Variants in NHLRC2 observed in about 807,000 individuals in gnomAD.
NHLRC2 encodes the protein NHL repeat-containing protein 2.
NHLRC2 carries 33 observed loss-of-function variants against 68.1 expected under a neutral mutation model. That is an observed-to-expected ratio of 0.48 (90% CI 0.37 to 0.65). The LOEUF (loss-of-function observed/expected upper bound fraction) is 0.65. Ranked by LOEUF, NHLRC2 falls within the 30% of genes least tolerant of loss-of-function variation. The pLI, the probability that NHLRC2 is intolerant of heterozygous loss-of-function variation, is 0.00. For synonymous variants in NHLRC2, 311 were observed against 309.6 expected (o/e 1.00, Z -0.05); for missense variants, 761 against 853.8 (o/e 0.89, Z 1.35).
chr10:113,871,764 A>C (rs1845928202), intron 2 of NHLRC2, among the ~76,000 whole-genome samples: 1 of 152,092 alleles, frequency 6.6e-6, no homozygotes, highest in Admixed American at 6.5e-5. Context: ...GAATCTCCCC[A>C]CTGTCCCTCC....
intron 2 of NHLRC2, among the ~76,000 whole-genome samples, chr10:113,867,458 A>C (rs879800625): frequency 1.3e-5 from 2 of 152,190 alleles, no homozygotes; most frequent in Non-Finnish European, 2.9e-5. Flanking sequence ...TTATTTCCCA[A>C]TTTAGTGTTC....
Position 113,912,796 on chromosome 10 carries a change from T to A in NHLRC2, c.*4260T>A, listed in dbSNP as rs1486762500. On this transcript the variant is annotated 3_prime_UTR_variant, in exon 11 of 11. Transcript: ENST00000369301. ...AATAGAAAACCGGAATAGTGCTCGATGCCTGAAGTGGTGCCTGGCGCCAGC... is the reference window on the plus strand; with the variant it reads ...AATAGAAAACCGGAATAGTGCTCGAAGCCTGAAGTGGTGCCTGGCGCCAGC... The A allele has an allele frequency of 6.6e-6, 1 of 152,244 alleles. No individual in the cohort carries two copies. Among genetic ancestry groups the A allele is most frequent in the Non-Finnish European group, 1.5e-5 (1 of 68,048 alleles). The allele number at this position is 152,244 out of a possible 1,614,324, so 9.4% of individuals were successfully genotyped here.
chr10:113,855,412 C>T (rs1393247735), intron 1 of NHLRC2, among the ~76,000 whole-genome samples: 1 of 152,200 alleles, frequency 6.6e-6, no homozygotes, highest in Admixed American at 6.5e-5. Flanking sequence ...TTCTGGTCAT[C>T]TTTCTGCATC....
At chr10:113,880,895 G>A (rs1846031143) in intron 4 of NHLRC2, among the ~76,000 whole-genome samples, 1 of 151,844 alleles carries the variant, frequency 6.6e-6, no homozygotes, top group Admixed American at 6.6e-5. Context: ...TAAAGCAGAT[G>A]TGTTTTTTAA....
intron 5 of NHLRC2, among the ~76,000 whole-genome samples, chr10:113,897,484 T>C (rs1017544302): frequency 3.9e-5 from 6 of 152,238 alleles, no homozygotes; most frequent in Non-Finnish European, 8.8e-5. Context: ...TAAATGATCA[T>C]GGCTAACATT....
rs1846374084 is a variant in NHLRC2, at chr10:113,915,430, G to A, written c.*6894G>A. ...GTGGCTTTAAGTAATATAGCATTAA[G>A]CAAATGGTCAGTTATTTTTTAATGT... On this transcript the variant is annotated 3_prime_UTR_variant, in exon 11 of 11. Transcript: ENST00000369301. The A allele has an allele frequency of 2.8e-6, 1 of 351,502 alleles. No homozygotes were observed. The highest frequency in any genetic ancestry group is 5.6e-6 in the Non-Finnish European group (1 of 179,158). The allele number at this position is 351,502 out of a possible 1,614,324, so 21.8% of individuals were successfully genotyped here.
chr10:113,915,287 A>G lies in NHLRC2; in HGVS notation c.*6751A>G. ...ACCTGTACAAGCAGCCATATACTAA[A>G]AAGCACTAAACAAGCACAAATGAAC... On this transcript the variant is annotated 3_prime_UTR_variant, in exon 11 of 11. Transcript: ENST00000369301. 2.2e-6 allele frequency: 1 copy of G among 455,016 alleles called. No individual in the cohort carries two copies. Among genetic ancestry groups the G allele is most frequent in the Non-Finnish European group, 4.4e-6 (1 of 226,316 alleles). The allele number at this position is 455,016 out of a possible 1,614,324, so 28.2% of individuals were successfully genotyped here.
At chr10:113,886,292 T>A (rs1385997350) in intron 5 of NHLRC2, among the ~76,000 whole-genome samples, 1 of 152,134 alleles carries the variant, frequency 6.6e-6, no homozygotes, top group Non-Finnish European at 1.5e-5. Context: ...GAATTAATAT[T>A]GTTAAAATGT....
chr10:113,869,539 A>G (rs1420626536), intron 2 of NHLRC2, among the ~76,000 whole-genome samples: 1 of 151,974 alleles, frequency 6.6e-6, no homozygotes, highest in Non-Finnish European at 1.5e-5. Flanking sequence ...TACCTTCTTC[A>G]GTTTCTTCTA....
At position 113,884,340 on chromosome 10, in the gene NHLRC2, AC is replaced by A. The variant is rs1299021012; in HGVS notation, c.1002del (p.Ile335LeufsTer7). The A allele has an allele frequency of 6.2e-7, 1 of 1,610,238 alleles. No homozygotes were observed. The highest frequency in any genetic ancestry group is 8.5e-7 in the Non-Finnish European group (1 of 1,177,234). On this transcript the variant is annotated frameshift_variant, in exon 5 of 11. Coordinates refer to ENST00000369301, the MANE Select transcript of NHLRC2 (RefSeq NM_198514.4). LOFTEE classifies it high-confidence loss of function. ...KEGGAKGEQQ[P>X]ISSPWDVVFG... ...AAGGTGGAGCAAAAGGAGAACAACA[AC>A]CCATTAGTTCCCCTTGGGATGTAGT...
At chr10:113,862,817 G>A (rs531898429) in intron 2 of NHLRC2, among the ~76,000 whole-genome samples, 3 of 152,064 alleles carry the variant, frequency 2.0e-5, no homozygotes, top group East Asian at 3.9e-4. Flanking sequence ...ATCTAAAAAG[G>A]TTACAAGAGA....
At chr10:113,865,796 G>T (rs1341142498) in intron 2 of NHLRC2, among the ~76,000 whole-genome samples, 1 of 152,040 alleles carries the variant, frequency 6.6e-6, no homozygotes, top group Non-Finnish European at 1.5e-5. Context: ...TTGATTAGAA[G>T]ATAAGTTCAG....
chr10:113,915,482 G>A lies in NHLRC2; in HGVS notation c.*6946G>A, dbSNP rs770955270. The stretch of plus-strand genomic sequence containing the variant: ...GAAAACTTCCAAGTGTGAATAATAC[G>A]GACATAGTTTACTACCTTTTGCTTT... On this transcript the variant is annotated 3_prime_UTR_variant, in exon 11 of 11. Coordinates refer to ENST00000369301, the MANE Select transcript of NHLRC2 (RefSeq NM_198514.4). The A allele has an allele frequency of 2.3e-4, 75 of 327,880 alleles. 1 individual carries two copies. In the Middle Eastern group the frequency reaches 6.5e-3, roughly 28 times the overall value. 20.3% of individuals were successfully genotyped at this position (327,880 alleles called of 1,614,324 possible).
intron 5 of NHLRC2, among the ~76,000 whole-genome samples, chr10:113,887,736 C>T (rs1387981290): frequency 6.6e-6 from 1 of 152,152 alleles, no homozygotes; most frequent in African/African-American, 2.4e-5. Flanking sequence ...CATGCCACTG[C>T]ACTGCAGCCT....
At chr10:113,864,989 G>A (rs1018269082) in intron 2 of NHLRC2, among the ~76,000 whole-genome samples, 5 of 150,278 alleles carry the variant, frequency 3.3e-5, no homozygotes, top group South Asian at 2.1e-4. Flanking sequence ...TTGCTCTGTC[G>A]CCCAGGCTGG....
rs185094785 is a variant in NHLRC2 at position 113,862,030 on chromosome 10, G to A, written c.331+3350G>A. 1.7e-3 allele frequency among the ~76,000 whole-genome samples: 258 copies of A among 151,904 alleles called. 2 individuals carry two copies. The highest frequency in any genetic ancestry group is 6.0e-3 in the African/African-American group (250 of 41,422). On this transcript the variant is annotated intron_variant, in intron 2 of 10. Transcript: ENST00000369301. ...TGGGATTACAGGTGCCTGCGACCACGCCCAGCTACTTTTTGTATTTTTTTT... is the reference window on the plus strand; with the variant it reads ...TGGGATTACAGGTGCCTGCGACCACACCCAGCTACTTTTTGTATTTTTTTT...
In NHLRC2 at chr10:113,901,705, T is replaced by A; in HGVS notation, c.1179T>A (p.Ser393Arg). 6.2e-7 allele frequency: 1 copy of A among 1,614,134 alleles called. No individual in the cohort carries two copies. Among genetic ancestry groups the A allele is most frequent in the Non-Finnish European group, 8.5e-7 (1 of 1,179,966 alleles). Reference protein sequence around the residue: ...TKGTCLRFAGSGNEENRNNAY... With the variant: ...TKGTCLRFAGRGNEENRNNAY... ...GAACCTGCCTTAGGTTTGCTGGAAG[T>A]GGAAATGAAGAGAATCGAAACAATG... The change falls in exon 7 of 11, where the codon AGT becomes AGA. Residue 393 changes from serine (S) to arginine (R), a missense_variant. Coordinates refer to ENST00000369301, the MANE Select transcript of NHLRC2 (RefSeq NM_198514.4).
At position 113,854,712 on chromosome 10, in the gene NHLRC2, AC is replaced by A; in HGVS notation, c.-159del. 1.6e-6 allele frequency: 1 copy of A among 610,486 alleles called. No homozygotes were observed. The highest frequency in any genetic ancestry group is 2.9e-5 in the East Asian group (1 of 34,588). 37.8% of individuals were successfully genotyped at this position (610,486 alleles called of 1,614,324 possible). A position where few individuals can be genotyped will look rare whatever the true frequency, so the allele number is the denominator to read the frequency against. ...GCCGATTTGGACTTTTGGCACTTGGACCTATGCTTTAAAAAGAAAAAAGTGT... is the reference window on the plus strand; with the variant it reads ...GCCGATTTGGACTTTTGGCACTTGGACTATGCTTTAAAAAGAAAAAAGTGT... On this transcript the variant is annotated 5_prime_UTR_variant, in exon 1 of 11. Coordinates refer to ENST00000369301, the MANE Select transcript of NHLRC2 (RefSeq NM_198514.4).
rs1005335117 is a variant in NHLRC2, at chr10:113,917,120, T to C, written c.*8584T>C. On this transcript the variant is annotated 3_prime_UTR_variant, in exon 11 of 11. Transcript: ENST00000369301. ...GGTGAGAATGTGTTTATACTGTATA[T>C]GGAAACCTAATGCCTCTTTTCTAAA... is the stretch of plus-strand genomic sequence containing the variant. The C allele has an allele frequency of 1.3e-5, 2 of 152,212 alleles. No homozygotes were observed. Among genetic ancestry groups the C allele is most frequent in the Non-Finnish European group, 2.9e-5 (2 of 68,022 alleles). The allele number at this position is 152,212 out of a possible 1,614,324, so 9.4% of individuals were successfully genotyped here.
Sources: gnomAD v4.1 joint callset for allele counts (sites outside exome capture counted in the v4.1 genomes callset) on GRCh38, gnomAD v4.1.1 for gene constraint, MANE v1.5 for transcripts, NCBI Gene and HGNC (gene_info 2026-07-23, HGNC 2026-07-21) for gene names.